MYO5C: variants seen among roughly 807,000 people sequenced by gnomAD.
MYO5C encodes myosin VC.
In MYO5C, 194 loss-of-function variants were observed where a neutral mutation model predicts 235.7. The observed-to-expected ratio is 0.82, with a 90% CI of 0.73 to 0.93. The LOEUF (loss-of-function observed/expected upper bound fraction) is 0.93, where lower values mean the gene tolerates loss of function less well. Among genes scored for constraint, MYO5C ranks in the 40% least tolerant of loss-of-function variants. The pLI, the probability that MYO5C is intolerant of heterozygous loss-of-function variation, is 0.00. For missense variants in MYO5C, 2,038 were observed against 2,127.2 expected, an observed-to-expected ratio of 0.96 and a Z score of 0.82; for synonymous variants, 707 against 754.8, an observed-to-expected ratio of 0.94 and a Z score of 1.04.
In MYO5C at chr15:52,289,287, G is replaced by T. The variant is rs564164519; in HGVS notation, c.27+6323C>A. 6.0e-5 allele frequency among the ~76,000 whole-genome samples: 9 copies of T among 151,128 alleles called. No individual in the cohort carries two copies. In the South Asian group the frequency reaches 1.9e-3, roughly 32 times the overall value. On this transcript the variant is annotated intron_variant, in intron 1 of 40. Transcript: ENST00000261839. The stretch of plus-strand genomic sequence containing the variant: ...ACCCAATTCCACAGCTTCTGCAACT[G>T]CCTGGCACCTGTGCATCTGAGACCT...
chr15:52,247,631 C>G lies in MYO5C; in HGVS notation c.1747-39G>C, dbSNP rs775587607. 1.4e-5 allele frequency: 22 copies of G among 1,609,606 alleles called. No homozygotes were observed. In the South Asian group the frequency reaches 2.1e-4, roughly 15 times the overall value. ...AGAGGATCTCAATGTCCAAAAGCAACTGCCCACAGTACTCACTCATACAAG... is the reference window on the plus strand; with the variant it reads ...AGAGGATCTCAATGTCCAAAAGCAAGTGCCCACAGTACTCACTCATACAAG... On this transcript the variant is annotated intron_variant, in intron 14 of 40. Transcript: ENST00000261839.
chr15:52,255,483 T>C (rs1325594493), intron 11 of MYO5C, among the ~76,000 whole-genome samples: 1 of 152,236 alleles, frequency 6.6e-6, no homozygotes, highest in African/African-American at 2.4e-5. Flanking sequence ...TAGTAAAGCA[T>C]TTTAGCTTTC....
rs1477272635 is a variant in MYO5C at position 52,193,873 on chromosome 15, A to AAGAAAAAGTGC, written c.*18_*28dup. On this transcript the variant is annotated 3_prime_UTR_variant, in exon 41 of 41. Transcript: ENST00000261839. The stretch of plus-strand genomic sequence containing the variant: ...ATATTGAACCTTCACTTAGCTTTTG[A>AAGAAAAAGTGC]AGAAAAAGTGCATTGACTTTTTCTC... 1 of 1,592,304 alleles carries AAGAAAAAGTGC rather than the reference A, an allele frequency of 6.3e-7. No individual in the cohort carries two copies. Among genetic ancestry groups the AAGAAAAAGTGC allele is most frequent in the Admixed American group, 1.9e-5 (1 of 53,946 alleles).
rs754432764 is a variant in MYO5C, at chr15:52,229,244, T to C, written c.3096A>G (p.Glu1032=). 1 of 1,614,260 alleles carries C rather than the reference T, an allele frequency of 6.2e-7. No homozygotes were observed. The highest frequency in any genetic ancestry group is 2.2e-5 in the East Asian group (1 of 44,890). ...TCTTCTCATCCTTGAGAGCTTTAAT[T>C]TCTTCTTTCAAAGACTGAATCTGCT... is the stretch of plus-strand genomic sequence containing the variant. The part of the protein sequence containing the change: ...YEKQIQSLKE[E]IKALKDEKMQ... The change falls in exon 25 of 41, where the codon GAA becomes GAG. Residue 1032 remains glutamate, a synonymous_variant. Transcript: ENST00000261839.
chr15:52,227,635 G>C (rs1312617971), intron 25 of MYO5C, among the ~76,000 whole-genome samples: 1 of 152,140 alleles, frequency 6.6e-6, no homozygotes, highest in African/African-American at 2.4e-5. Context: ...TCAGACCTCA[G>C]CCAGATGACA....
intron 36 of MYO5C, among the ~76,000 whole-genome samples, chr15:52,207,823 G>T (rs1270994799): frequency 6.6e-6 from 1 of 152,156 alleles, no homozygotes; most frequent in East Asian, 1.9e-4. Flanking sequence ...AAGGAAGGAT[G>T]TGACTAGGCA....
intron 35 of MYO5C, among the ~76,000 whole-genome samples, 185 bp from the exon 36 acceptor site, chr15:52,208,828 T>C (rs2035381836): frequency 6.6e-6 from 1 of 152,224 alleles, no homozygotes; most frequent in Non-Finnish European, 1.5e-5. Flanking sequence ...GTTTGTAACA[T>C]GTTTCTGTAC....
intron 30 of MYO5C, among the ~76,000 whole-genome samples, chr15:52,220,294 G>C (rs1330918206): frequency 6.6e-6 from 1 of 152,090 alleles, no homozygotes; most frequent in Non-Finnish European, 1.5e-5. Flanking sequence ...TAGCAATACT[G>C]GGCCCACATT....
intron 22 of MYO5C, 129 bp downstream of exon 22, chr15:52,237,353 G>C: frequency 8.8e-7 from 1 of 1,141,336 alleles, no homozygotes; most frequent in Non-Finnish European, 1.2e-6. Flanking sequence ...GCTCCCTTTG[G>C]TAATGGAAGT....
intron 1 of MYO5C, among the ~76,000 whole-genome samples, chr15:52,289,014 A>G (rs1287636690): frequency 6.6e-6 from 1 of 152,166 alleles, no homozygotes; most frequent in Non-Finnish European, 1.5e-5. Flanking sequence ...GAAGACTTAT[A>G]TGGAAGATGG....
chr15:52,247,370 G>C (rs1231246124), intron 15 of MYO5C, 88 bp downstream of exon 15: 1 of 1,444,664 alleles, frequency 6.9e-7, no homozygotes, highest in Admixed American at 2.1e-5. Flanking sequence ...CCATGTCCAG[G>C]CCTGGAATGC....
At chr15:52,233,577 AC>A (rs2141305538) in intron 23 of MYO5C, among the ~76,000 whole-genome samples, 1 of 152,332 alleles carries the variant, frequency 6.6e-6, no homozygotes, top group Non-Finnish European at 1.5e-5. Context: ...GCTGAGAACC[AC>A]TCATCTGTGA....
chr15:52,247,604 A>G lies in MYO5C; in HGVS notation c.1747-12T>C. On this transcript the variant is annotated splice_polypyrimidine_tract_variant and intron_variant, in intron 14 of 40. Transcript: ENST00000261839. ...GCACAGAGATGAAACTGGAAGGAAC[A>G]GAGAGGATCTCAATGTCCAAAAGCA... 1 of 1,613,720 alleles carries G rather than the reference A, an allele frequency of 6.2e-7. No individual in the cohort carries two copies. The highest frequency in any genetic ancestry group is 8.5e-7 in the Non-Finnish European group (1 of 1,179,860).
chr15:52,267,051 C>T (rs1240734057), intron 8 of MYO5C, among the ~76,000 whole-genome samples: 1 of 152,202 alleles, frequency 6.6e-6, no homozygotes, highest in African/African-American at 2.4e-5. Flanking sequence ...CATGCAGGGC[C>T]CTGAGAGTGA....
chr15:52,233,297 A>AAAAT (rs1364145771), intron 23 of MYO5C, among the ~76,000 whole-genome samples: 1 of 12,088 alleles, frequency 8.3e-5, no homozygotes, highest in African/African-American at 1.2e-4. Context: ...AAAAAAAAAA[A>AAAAT]TTAAAAAAAA....
At position 52,264,950 on chromosome 15, in the gene MYO5C, T is replaced by G. The variant is rs182765183; in HGVS notation, c.941-654A>C. ...TGGGGCTGACTTTACCCAACTCTCC[T>G]TCTAGGCTCCAGAAACACTTGGATG... On this transcript the variant is annotated intron_variant, in intron 8 of 40. Coordinates refer to ENST00000261839, the MANE Select transcript of MYO5C (RefSeq NM_018728.4). Among the ~76,000 whole-genome samples, 333 of 152,306 alleles carry G rather than the reference T, an allele frequency of 2.2e-3. 2 individuals are homozygous for G. Among genetic ancestry groups the G allele is most frequent in the African/African-American group, 7.5e-3 (312 of 41,574 alleles).
rs751229532 is a variant in MYO5C, at chr15:52,194,005, T to C, written c.5126A>G (p.Lys1709Arg). The C allele has an allele frequency of 1.9e-6, 3 of 1,613,734 alleles. No homozygotes were observed. Among genetic ancestry groups the C allele is most frequent in the South Asian group, 1.1e-5 (1 of 90,992 alleles). ...AGGAAATGTGACTTGAAAGAGATAT[T>C]TGGTATCCAACATCAGCTGTGATGA... The part of the protein sequence containing the change: ...EDSSQLMLDT[K>R]YLFQVTFPFT... The change falls in exon 41 of 41, where the codon AAA (lysine) becomes AGA (arginine). Residue 1709 changes from lysine (K) to arginine (R), a missense_variant. By Grantham distance (26) the Lys-to-Arg change is conservative. Transcript: ENST00000261839.
chr15:52,233,737 C>T (rs1225220505), intron 23 of MYO5C, among the ~76,000 whole-genome samples: 2 of 152,202 alleles, frequency 1.3e-5, no homozygotes, highest in Non-Finnish European at 2.9e-5. Flanking sequence ...ACCCCACATT[C>T]CCAACACACC....
chr15:52,226,579 T>G (rs568704790), intron 25 of MYO5C, among the ~76,000 whole-genome samples: 1 of 152,316 alleles, frequency 6.6e-6, no homozygotes, highest in East Asian at 1.9e-4. Context: ...GCTGAGCACT[T>G]TACCTAGAAG....
Sources: gnomAD v4.1 joint callset for allele counts (sites outside exome capture counted in the v4.1 genomes callset) on GRCh38, gnomAD v4.1.1 for gene constraint, MANE v1.5 for transcripts, NCBI Gene and HGNC (gene_info 2026-07-23, HGNC 2026-07-21) for gene names.